Variants in DPP10 observed in about 807,000 individuals in gnomAD.
The protein encoded by DPP10 is inactive dipeptidyl peptidase 10.
In DPP10, 33 loss-of-function variants were observed where a neutral mutation model predicts 120.9. The observed-to-expected ratio is 0.27, with a 90% CI of 0.21 to 0.37. The LOEUF is 0.37. DPP10 is among the 10% of genes least tolerant of loss of function. The pLI is 1.00. For missense variants in DPP10, 816 were observed against 942.8 expected (o/e 0.87, Z 1.76); for synonymous variants, 337 against 326.1 (o/e 1.03, Z -0.36).
chr2:115,197,852 A>G (rs1382552403), intron 1 of DPP10, among the ~76,000 whole-genome samples: 1 of 152,166 alleles, frequency 6.6e-6, no homozygotes, highest in Non-Finnish European at 1.5e-5. Context: ...AATTAGATAA[A>G]CTACCTAGCA....
intron 12 of DPP10, among the ~76,000 whole-genome samples, chr2:115,766,929 C>T (rs2149807004): frequency 6.6e-6 from 1 of 152,314 alleles, no homozygotes; most frequent in East Asian, 1.9e-4. Flanking sequence ...GATCCAGTCA[C>T]CTCCCACCAG....
intron 5 of DPP10, among the ~76,000 whole-genome samples, chr2:115,534,663 C>G (rs1195426045): frequency 1.3e-5 from 2 of 151,576 alleles, no homozygotes; most frequent in Non-Finnish European, 2.9e-5. Flanking sequence ...ATTTCTAGTT[C>G]TAGATCCCTG....
chr2:115,265,240 C>CTTTA (rs374935328), intron 1 of DPP10, among the ~76,000 whole-genome samples: 1 of 149,050 alleles, frequency 6.7e-6, no homozygotes, highest in African/African-American at 2.5e-5. Context: ...TTCCCAATGT[C>CTTTA]TTTATTTTGT....
chr2:114,971,099 C>T lies in DPP10; in HGVS notation c.61-338140C>T, dbSNP rs867740423. On this transcript the variant is annotated intron_variant, in intron 1 of 25. Transcript: ENST00000410059. ...GAAATAAAAGAGTAAAATGTGAGCA[C>T]CTCTTGTGTGTCAGTTGTGACGCCT... Among the ~76,000 whole-genome samples, 5 of 152,156 alleles carry T rather than the reference C, an allele frequency of 3.3e-5. 1 individual carries two copies. Among genetic ancestry groups the T allele is most frequent in the Admixed American group, 1.3e-4 (2 of 15,280 alleles).
intron 3 of DPP10, among the ~76,000 whole-genome samples, chr2:115,384,656 G>A (rs28876138): frequency 4.2e-4 from 50 of 118,822 alleles, no homozygotes; most frequent in African/African-American, 1.2e-3. Context: ...GAAGAAGAAG[G>A]AAGAAGAAGA....
chr2:115,772,659 A>C (rs868337632), intron 13 of DPP10, among the ~76,000 whole-genome samples: 1 of 152,190 alleles, frequency 6.6e-6, no homozygotes, highest in South Asian at 2.1e-4. Context: ...ACTTTTGATC[A>C]CTTCAGATAT....
intron 1 of DPP10, among the ~76,000 whole-genome samples, chr2:114,451,167 G>A (rs1678254205): frequency 6.6e-6 from 1 of 151,966 alleles, no homozygotes. Flanking sequence ...ATCAAGGATG[G>A]ACAGCTATGG....
At chr2:115,274,740 C>G (rs749316221) in intron 1 of DPP10, among the ~76,000 whole-genome samples, 3 of 152,194 alleles carry the variant, frequency 2.0e-5, no homozygotes, top group Admixed American at 6.5e-5. Flanking sequence ...TGGAAAGACA[C>G]TATGCAAAAT....
intron 1 of DPP10, among the ~76,000 whole-genome samples, chr2:114,579,956 G>T (rs1690365819): frequency 6.6e-6 from 1 of 152,110 alleles, no homozygotes; most frequent in Non-Finnish European, 1.5e-5. Context: ...AATTTGTTTT[G>T]TGAAAGCCTT....
intron 1 of DPP10, among the ~76,000 whole-genome samples, chr2:114,859,185 GAACAAACA>G (rs780744732): frequency 1.3e-5 from 2 of 151,122 alleles, no homozygotes; most frequent in Non-Finnish European, 3.0e-5. Flanking sequence ...AAGAAAAAAA[GAACAAACA>G]AACAAACAAA....
At chr2:114,673,668 C>T (rs1038524413) in intron 1 of DPP10, among the ~76,000 whole-genome samples, 6 of 152,048 alleles carry the variant, frequency 3.9e-5, no homozygotes, top group Non-Finnish European at 8.8e-5. Context: ...GTTGGCCAGG[C>T]TGGTCTCAAA....
intron 7 of DPP10, among the ~76,000 whole-genome samples, chr2:115,695,957 T>G (rs1474879789): frequency 3.9e-5 from 6 of 152,032 alleles, no homozygotes; most frequent in Non-Finnish European, 8.8e-5. Flanking sequence ...AAGCTTACAG[T>G]AACTGAAATA....
chr2:114,703,473 A>T (rs547468266), intron 1 of DPP10, among the ~76,000 whole-genome samples: 8 of 152,306 alleles, frequency 5.3e-5, no homozygotes, highest in Admixed American at 5.2e-4. Flanking sequence ...AAGTGGATTG[A>T]TACACTTGTT....
At chr2:115,085,343 C>T (rs973934178) in intron 1 of DPP10, among the ~76,000 whole-genome samples, 2 of 151,948 alleles carry the variant, frequency 1.3e-5, no homozygotes, top group Non-Finnish European at 2.9e-5. Flanking sequence ...TGTGTGTGTA[C>T]TCACATCCAT....
At chr2:114,772,539 C>T (rs1681361657) in intron 1 of DPP10, among the ~76,000 whole-genome samples, 1 of 152,118 alleles carries the variant, frequency 6.6e-6, no homozygotes, top group African/African-American at 2.4e-5. Context: ...GATGCACATA[C>T]CTAAGCTGGT....
chr2:115,224,705 T>C (rs1434633867), intron 1 of DPP10, among the ~76,000 whole-genome samples: 2 of 152,230 alleles, frequency 1.3e-5, no homozygotes, highest in African/African-American at 4.8e-5. Context: ...TCATGTGAGA[T>C]AATATAATTG....
At chr2:115,196,855 G>GA (rs2055315325) in intron 1 of DPP10, among the ~76,000 whole-genome samples, 2 of 152,020 alleles carry the variant, frequency 1.3e-5, no homozygotes, top group Non-Finnish European at 2.9e-5. Flanking sequence ...ATGTTTGGAG[G>GA]AAAAAACACC....
chr2:114,512,733 GA>G (rs773598024), intron 1 of DPP10, among the ~76,000 whole-genome samples: 10 of 152,196 alleles, frequency 6.6e-5, no homozygotes, highest in Non-Finnish European at 1.2e-4. Context: ...ACCAAAGCAT[GA>G]GCATATTTAG....
At chr2:115,082,980 G>T (rs1320468645) in intron 1 of DPP10, among the ~76,000 whole-genome samples, 1 of 152,128 alleles carries the variant, frequency 6.6e-6, no homozygotes, top group Admixed American at 6.6e-5. Context: ...TCAAATCAAT[G>T]AGCATTTTTC....
Sources: gnomAD v4.1 joint callset for allele counts (sites outside exome capture counted in the v4.1 genomes callset) on GRCh38, gnomAD v4.1.1 for gene constraint, MANE v1.5 for transcripts, NCBI Gene and HGNC (gene_info 2026-07-23, HGNC 2026-07-21) for gene names.